EXOSC9: variants seen among roughly 807,000 people sequenced by gnomAD.
EXOSC9 encodes the protein exosome complex component RRP45.
In EXOSC9, 38 loss-of-function variants were observed where a neutral mutation model predicts 56.5. The ratio of observed to expected loss-of-function variants is 0.67; its 90% CI spans 0.52 to 0.88. EXOSC9 has a LOEUF of 0.88. EXOSC9 is among the 40% of genes least tolerant of loss of function. The pLI, the probability that EXOSC9 is intolerant of heterozygous loss-of-function variation, is 0.00. For missense variants in EXOSC9, 559 were observed against 530.5 expected, an observed-to-expected ratio of 1.05 and a Z score of -0.53; for synonymous variants, 170 against 170.8, an observed-to-expected ratio of 0.99 and a Z score of 0.04.
At chr4:121,803,833 C>T (rs1726941952) in intron 4 of EXOSC9, among the ~76,000 whole-genome samples, 1 of 152,050 alleles carries the variant, frequency 6.6e-6, no homozygotes, top group African/African-American at 2.4e-5. Flanking sequence ...TGTGCCTGGC[C>T]AGAATTTGAT....
At chr4:121,816,122 AT>A (rs1724491505) in intron 10 of EXOSC9, 1 of 638,708 alleles carries the variant, frequency 1.6e-6, no homozygotes, top group Non-Finnish European at 2.7e-6. Context: ...CGCCTGGCTA[AT>A]TTTTCTATTA....
At chr4:121,813,432 TATA>T (rs1366079903) in intron 9 of EXOSC9, 52 bp downstream of exon 9, 4 of 1,519,270 alleles carry the variant, frequency 2.6e-6, no homozygotes, top group Non-Finnish European at 9.1e-7. Context: ...CACTTGGCAT[TATA>T]ATATTAGGCT....
chr4:121,813,722 T>C, intron 9 of EXOSC9, 144 bp from the exon 10 acceptor site: 1 of 582,380 alleles, frequency 1.7e-6, no homozygotes, highest in Non-Finnish European at 3.0e-6. Context: ...CAGCCATCCA[T>C]AGTGTAGCTA....
intron 5 of EXOSC9, among the ~76,000 whole-genome samples, chr4:121,805,367 A>G (rs1453253019): frequency 1.3e-5 from 2 of 152,228 alleles, no homozygotes; most frequent in Non-Finnish European, 2.9e-5. Flanking sequence ...CGTTGTCTTT[A>G]TCTTTTGTTC....
chr4:121,807,898 G>C, intron 6 of EXOSC9: 1 of 476,608 alleles, frequency 2.1e-6, no homozygotes, highest in East Asian at 3.9e-5. Flanking sequence ...AGTGTTTTAT[G>C]TTTCCTAAGG....
Position 121,816,908 on chromosome 4 carries a change from C to A in EXOSC9, c.*52C>A. ...TAACTATTAAAAGGGATATTTATTC[C>A]ATTCTGAGAACCCTGGGTATTTTTT... On this transcript the variant is annotated 3_prime_UTR_variant, in exon 12 of 12. Coordinates refer to ENST00000243498, the MANE Select transcript of EXOSC9 (RefSeq NM_005033.3). 1 of 1,426,720 alleles carries A rather than the reference C, an allele frequency of 7.0e-7. No individual in the cohort carries two copies. The highest frequency in any genetic ancestry group is 2.1e-4 in the Middle Eastern group (1 of 4,664). 88.4% of individuals were successfully genotyped at this position (1,426,720 alleles called of 1,614,324 possible).
intron 10 of EXOSC9, chr4:121,815,518 T>TA: frequency 1.0e-6 from 1 of 983,982 alleles, no homozygotes; most frequent in Non-Finnish European, 1.2e-6. Flanking sequence ...ACATTTTATG[T>TA]ATATCATTAA....
Position 121,815,624 on chromosome 4 carries a change from A to C in EXOSC9, c.1157-745A>C, listed in dbSNP as rs55705975. On this transcript the variant is annotated intron_variant, in intron 10 of 11. Coordinates refer to ENST00000243498, the MANE Select transcript of EXOSC9 (RefSeq NM_005033.3). ...TTTCATGGTCAGCCCTGACAGTAATACAAATAAAATCCAAAGAAAAATGAC... is the reference window on the plus strand; with the variant it reads ...TTTCATGGTCAGCCCTGACAGTAATCCAAATAAAATCCAAAGAAAAATGAC... 4.1e-6 allele frequency: 4 copies of C among 985,342 alleles called. No homozygotes were observed. The African/African-American group carries it at 7.0e-5, about 17-fold the overall frequency. 61.0% of individuals were successfully genotyped at this position (985,342 alleles called of 1,614,324 possible). A position where few individuals can be genotyped will look rare whatever the true frequency, so the allele number is the denominator to read the frequency against.
At chr4:121,816,493 C>A in intron 11 of EXOSC9, 46 bp downstream of exon 11, 2 of 1,223,654 alleles carry the variant, frequency 1.6e-6, no homozygotes, top group Admixed American at 2.4e-5. Context: ...ATACTCAACA[C>A]TTATAGAGGT....
At chr4:121,801,536 GTC>G in intron 1 of EXOSC9, 46 bp downstream of exon 1, 1 of 1,588,184 alleles carries the variant, frequency 6.3e-7, no homozygotes, top group Non-Finnish European at 8.6e-7. Flanking sequence ...GGGCGCTCGG[GTC>G]TCAAGGTGTG....
intron 5 of EXOSC9, 105 bp from the exon 6 acceptor site, chr4:121,807,433 CAA>C (rs1013072679): frequency 3.4e-6 from 2 of 587,696 alleles, no homozygotes; most frequent in South Asian, 3.0e-5. Flanking sequence ...TTTAGGTACT[CAA>C]AAGAATAAAG....
In EXOSC9 at chr4:121,816,835, AAAG is replaced by A. The variant is rs745543259; in HGVS notation, c.1304_1306del (p.Lys435del). Reference sequence around the variant, plus strand: ...GTAAAAAGCCAGTGAAAAGAAGAAAAAAGAAGAGAGCTGCCAATTAAAGCTAAC... The same window carrying A: ...GTAAAAAGCCAGTGAAAAGAAGAAAAAAGAGAGCTGCCAATTAAAGCTAAC... On this transcript the variant is annotated inframe_deletion, in exon 12 of 12. Transcript: ENST00000243498. The A allele has an allele frequency of 2.4e-5, 39 of 1,596,300 alleles. No homozygotes were observed. The African/African-American group carries it at 2.7e-4, about 11-fold the overall frequency.
At chr4:121,806,186 G>A (rs950524726) in intron 5 of EXOSC9, among the ~76,000 whole-genome samples, 9 of 149,488 alleles carry the variant, frequency 6.0e-5, no homozygotes, top group Non-Finnish European at 1.2e-4. Context: ...AAGTTTCACT[G>A]TTGTTGCCTA....
In EXOSC9 at chr4:121,802,693, T is replaced by G. The variant is rs770465338; in HGVS notation, c.181T>G (p.Cys61Gly). Residue 61 changes from cysteine to glycine, a missense_variant, in exon 3 of 12, where the codon TGT becomes GGT. Coordinates refer to ENST00000243498, the MANE Select transcript of EXOSC9 (RefSeq NM_005033.3). Reference protein sequence around the residue: ...GKTRVLGQVSCELVSPKLNRA... With the variant: ...GKTRVLGQVSGELVSPKLNRA... ...TTGCAGAGTTCTTGGACAGGTTTCC[T>G]GTGAACTTGTGTCTCCAAAACTCAA... The G allele has an allele frequency of 6.2e-7, 1 of 1,614,134 alleles. No homozygotes were observed. Among genetic ancestry groups the G allele is most frequent in the East Asian group, 2.2e-5 (1 of 44,866 alleles).
chr4:121,801,851 G>A lies in EXOSC9; in HGVS notation c.91G>A (p.Asp31Asn). Residue 31 changes from aspartate (D) to asparagine (N), a missense_variant, in exon 2 of 12, where the codon GAT becomes AAT. Transcript: ENST00000243498. ...GCGGCTGGATGGCAGACAAACCTAT[G>A]ATTATAGGAACATCAGGATCTCATT... is the stretch of plus-strand genomic sequence containing the variant. ...KKRLDGRQTY[D>N]YRNIRISFGT... 1 of 1,613,696 alleles carries A rather than the reference G, an allele frequency of 6.2e-7. No homozygotes were observed. The highest frequency in any genetic ancestry group is 8.5e-7 in the Non-Finnish European group (1 of 1,179,608).
Position 121,802,911 on chromosome 4 carries a change from A to G in EXOSC9, c.282-4A>G. The G allele has an allele frequency of 6.2e-7, 1 of 1,613,488 alleles. No homozygotes were observed. The highest frequency in any genetic ancestry group is 1.1e-5 in the South Asian group (1 of 91,062). On this transcript the variant is annotated splice_region_variant and splice_polypyrimidine_tract_variant and intron_variant, in intron 3 of 11. Transcript: ENST00000243498. ...ATTAGCCCATTCCTATTTTCTCCTT[A>G]TAGGCAGTCAGATCTCTTGGTGAAG...
In EXOSC9 at chr4:121,811,754, A is replaced by G. The variant is rs190034350; in HGVS notation, c.827+83A>G. 2.2e-5 allele frequency: 12 copies of G among 555,756 alleles called. No homozygotes were observed. The East Asian group carries it at 3.9e-4, about 18-fold the overall frequency. 34.4% of individuals were successfully genotyped at this position (555,756 alleles called of 1,614,324 possible). ...ATTTTTTTTAGTATAAGCAAGCTTT[A>G]TTATGCATGAACTTGATTTCACATA... On this transcript the variant is annotated intron_variant, in intron 8 of 11. Transcript: ENST00000243498.
At chr4:121,810,862 C>T (rs116043922) in intron 7 of EXOSC9, among the ~76,000 whole-genome samples, 2,230 of 151,898 alleles carry the variant, frequency 0.015, 73 homozygotes, top group African/African-American at 0.051. Context: ...GACCCTGTCT[C>T]AAAAGCAAAT....
At position 121,801,459 on chromosome 4, in the gene EXOSC9, G is replaced by T; in HGVS notation, c.35G>T (p.Arg12Leu). Residue 12 changes from arginine to leucine, a missense_variant, in exon 1 of 12, where the codon CGC becomes CTC. Coordinates refer to ENST00000243498, the MANE Select transcript of EXOSC9 (RefSeq NM_005033.3). ...ACGCCACTCTCAAACTGCGAACGCCGCTTCCTACTCCGTGCCATCGAAGAG... is the reference window on the plus strand; with the variant it reads ...ACGCCACTCTCAAACTGCGAACGCCTCTTCCTACTCCGTGCCATCGAAGAG... ...KETPLSNCER[R>L]FLLRAIEEKK... is the part of the protein sequence containing the mutation. The T allele has an allele frequency of 6.2e-7, 1 of 1,614,186 alleles. No homozygotes were observed. Among genetic ancestry groups the T allele is most frequent in the Non-Finnish European group, 8.5e-7 (1 of 1,180,016 alleles).
Sources: gnomAD v4.1 joint callset for allele counts (sites outside exome capture counted in the v4.1 genomes callset) on GRCh38, gnomAD v4.1.1 for gene constraint, MANE v1.5 for transcripts, NCBI Gene and HGNC (gene_info 2026-07-23, HGNC 2026-07-21) for gene names.